Variants in AMOT observed in about 807,000 individuals in gnomAD.
The protein encoded by AMOT is angiomotin.
AMOT carries 11 observed loss-of-function variants against 67.0 expected under a neutral mutation model. The observed-to-expected ratio is 0.16, with a 90% CI of 0.10 to 0.27. AMOT has a LOEUF of 0.27. Among genes scored for constraint, AMOT ranks in the 10% least tolerant of loss-of-function variants. AMOT has a pLI of 1.00. For synonymous variants in AMOT, 326 were observed against 321.4 expected (o/e 1.01, Z -0.15); for missense variants, 753 against 852.0 (o/e 0.88, Z 1.45).
chrX:112,839,504 AT>A (rs1935232534), intron 1 of AMOT, among the ~76,000 whole-genome samples: 1 of 111,812 alleles, frequency 8.9e-6, no homozygotes, highest in Non-Finnish European at 1.9e-5. Context: ...TCCACTCTTC[AT>A]GGCGGGGAGG....
At chrX:112,830,540 T>C (rs1314734289) in intron 2 of AMOT, among the ~76,000 whole-genome samples, 2 of 112,347 alleles carry the variant, frequency 1.8e-5, no homozygotes, top group Admixed American at 1.9e-4. Flanking sequence ...CACTAAAAAA[T>C]AAAATTAGCA....
Position 112,822,376 on chromosome X carries a change from A to G in AMOT, c.751T>C (p.Ser251Pro). The G allele has an allele frequency of 8.6e-7, 1 of 1,165,721 alleles. No individual in the cohort carries two copies. Among genetic ancestry groups the G allele is most frequent in the Non-Finnish European group, 1.1e-6 (1 of 872,164 alleles). Residue 251 changes from serine to proline, a missense_variant, in exon 4 of 14, where the codon TCT (serine) becomes CCT (proline). Ser to Pro is a moderately conservative substitution (Grantham distance 74). Transcript: ENST00000371959. Reference sequence around the variant, plus strand: ...GGCTCTTGGGGCTTGCACACTACAGATTGGGGTGGCATGCCCTTGAAGGGA... The same window carrying G: ...GGCTCTTGGGGCTTGCACACTACAGGTTGGGGTGGCATGCCCTTGAAGGGA... ...EYPFKGMPPQSVVCKPQEPGH... is the reference protein window; with the variant it reads ...EYPFKGMPPQPVVCKPQEPGH...
At chrX:112,819,680 T>C (rs1934664362) in intron 4 of AMOT, among the ~76,000 whole-genome samples, 1 of 112,605 alleles carries the variant, frequency 8.9e-6, no homozygotes, top group African/African-American at 3.2e-5. Context: ...TCTGGGGTTC[T>C]GGGCATTCAA....
intron 7 of AMOT, among the ~76,000 whole-genome samples, chrX:112,809,247 A>C (rs1239398992): frequency 8.9e-6 from 1 of 112,106 alleles, no homozygotes; most frequent in Non-Finnish European, 1.9e-5. Flanking sequence ...AATTGGAAAT[A>C]ATTAGACATT....
rs535933654 is a variant in AMOT at position 112,785,662 on chromosome X, T to C, written c.2118-3000A>G. The stretch of plus-strand genomic sequence containing the variant: ...CTTAGGAAGACGGCCTTATCTCTCG[T>C]AGAAATGTGACAGAAAGATAAGAGA... On this transcript the variant is annotated intron_variant, in intron 10 of 13. Transcript: ENST00000371959. Among the ~76,000 whole-genome samples the C allele has an allele frequency of 1.6e-4, 18 of 111,952 alleles. No individual in the cohort carries two copies. In the South Asian group the frequency reaches 6.7e-3, roughly 42 times the overall value.
In AMOT at chrX:112,824,671, G is replaced by A. The variant is rs369334133; in HGVS notation, c.-63+401C>T. 2.0e-4 allele frequency among the ~76,000 whole-genome samples: 22 copies of A among 111,372 alleles called. No homozygotes were observed. The East Asian group carries it at 5.1e-3, about 26-fold the overall frequency. ...CTCTCATCATATTCTCTTGGGAAGT[G>A]CACACCAGTGGGTTAAGCAACCCAG... On this transcript the variant is annotated intron_variant, in intron 3 of 13. Transcript: ENST00000371959.
At position 112,811,999 on chromosome X, in the gene AMOT, A is replaced by G. The variant is rs151148497; in HGVS notation, c.1393-606T>C. On this transcript the variant is annotated intron_variant, in intron 5 of 13. Coordinates refer to ENST00000371959, the MANE Select transcript of AMOT (RefSeq NM_001113490.2). Reference sequence around the variant, plus strand: ...TTTAAAGTACTATTGGGGGTGTGTAAATATGAATGAGAACATTCTCACTGC... The same window carrying G: ...TTTAAAGTACTATTGGGGGTGTGTAGATATGAATGAGAACATTCTCACTGC... 2.8e-3 allele frequency among the ~76,000 whole-genome samples: 320 copies of G among 112,336 alleles called. 1 individual carries two copies. Among genetic ancestry groups the G allele is most frequent in the African/African-American group, 0.01 (310 of 30,898 alleles).
chrX:112,840,260 C>T (rs2041140761), intron 1 of AMOT, among the ~76,000 whole-genome samples, 192 bp downstream of exon 1: 1 of 111,458 alleles, frequency 9.0e-6, no homozygotes, highest in African/African-American at 3.3e-5. Context: ...GACGGGAAAG[C>T]AGCGCACACT....
chrX:112,796,222 CT>C (rs780721340), intron 8 of AMOT, among the ~76,000 whole-genome samples: 10 of 111,774 alleles, frequency 8.9e-5, no homozygotes, highest in African/African-American at 3.2e-4. Context: ...AAAAGTTTTG[CT>C]TTAGTTTGTG....
intron 10 of AMOT, among the ~76,000 whole-genome samples, chrX:112,787,965 T>G (rs1933425937): frequency 9.0e-6 from 1 of 111,636 alleles, no homozygotes; most frequent in Admixed American, 9.6e-5. Context: ...TTGAGCACTT[T>G]CCAATTGTAG....
chrX:112,790,816 G>C, intron 9 of AMOT, 34 bp from the exon 10 acceptor site: 1 of 1,119,417 alleles, frequency 8.9e-7, no homozygotes, highest in East Asian at 3.2e-5. Context: ...CCTCAAGTTA[G>C]TGAGAGAAGA....
intron 2 of AMOT, among the ~76,000 whole-genome samples, chrX:112,830,421 A>G (rs1934958781): frequency 8.9e-6 from 1 of 112,765 alleles, no homozygotes; most frequent in Non-Finnish European, 1.9e-5. Context: ...TAATGTTACA[A>G]AAACATCTTT....
intron 2 of AMOT, among the ~76,000 whole-genome samples, chrX:112,825,776 A>G (rs1385528856): frequency 9.1e-6 from 1 of 110,112 alleles, no homozygotes; most frequent in Non-Finnish European, 1.9e-5. Context: ...TTGTGTATCA[A>G]CTATTCCACA....
In AMOT at chrX:112,822,423, T is replaced by G. The variant is rs1198725014; in HGVS notation, c.704A>C (p.His235Pro). 9 of 1,166,126 alleles carry G rather than the reference T, an allele frequency of 7.7e-6. No individual in the cohort carries two copies. The highest frequency in any genetic ancestry group is 1.0e-5 in the Non-Finnish European group (9 of 872,805). Residue 235 changes from histidine (H) to proline (P), a missense_variant, in exon 4 of 14, where the codon CAC (histidine) becomes CCC (proline). His to Pro is a moderately conservative substitution (Grantham distance 77). Coordinates refer to ENST00000371959, the MANE Select transcript of AMOT (RefSeq NM_001113490.2). ...PNQHSLKGME[H>P]RGPPPEYPFK... ...GGGATATTCTGGTGGGGGGCCTCGGTGTTCCATGCCCTTCAGGCTATGCTG... is the reference window on the plus strand; with the variant it reads ...GGGATATTCTGGTGGGGGGCCTCGGGGTTCCATGCCCTTCAGGCTATGCTG...
intron 5 of AMOT, among the ~76,000 whole-genome samples, chrX:112,814,140 C>T (rs1934460366): frequency 1.8e-5 from 2 of 110,780 alleles, no homozygotes; most frequent in Non-Finnish European, 3.8e-5. Context: ...GGCGTGGTGA[C>T]ACATGCCTGT....
At chrX:112,792,238 A>G (rs757655255) in intron 8 of AMOT, among the ~76,000 whole-genome samples, 1 of 112,150 alleles carries the variant, frequency 8.9e-6, no homozygotes, top group Non-Finnish European at 1.9e-5. Context: ...ACCTTCCCAA[A>G]GTCTACTCTT....
chrX:112,817,817 C>T (rs1934609032), intron 4 of AMOT, among the ~76,000 whole-genome samples: 1 of 112,108 alleles, frequency 8.9e-6, no homozygotes, highest in African/African-American at 3.2e-5. Flanking sequence ...TATTTTTCCC[C>T]AGAGCTCAAA....
chrX:112,778,634 T>C lies in AMOT; in HGVS notation c.3188A>G (p.Glu1063Gly). Residue 1063 changes from glutamate to glycine, a missense_variant, in exon 14 of 14, where the codon GAA (glutamate) becomes GGA (glycine). Physicochemically the swap from Glu to Gly is moderately conservative, Grantham distance 98. This residue lies in a region of AMOT where 269 missense variants were observed against 300.9 expected (regional missense o/e 0.89). Coordinates refer to ENST00000371959, the MANE Select transcript of AMOT (RefSeq NM_001113490.2). ...DGPVFHSNTL[E>G]RKTPIQILGQ... ...CAGGATCTGAATGGGAGTTTTTCTT[T>C]CCAGAGTATTGGAGTGGAACACAGG... is the stretch of plus-strand genomic sequence containing the variant. 1 of 1,207,527 alleles carries C rather than the reference T, an allele frequency of 8.3e-7. No individual in the cohort carries two copies. The highest frequency in any genetic ancestry group is 1.1e-6 in the Non-Finnish European group (1 of 892,698).
intron 1 of AMOT, among the ~76,000 whole-genome samples, chrX:112,839,425 C>G (rs940592377): frequency 8.9e-6 from 1 of 112,007 alleles, no homozygotes; most frequent in African/African-American, 3.3e-5. Flanking sequence ...ATTATGGTGA[C>G]TAATTATCTT....
Sources: allele counts gnomAD v4.1 joint callset (sites outside exome capture counted in the v4.1 genomes callset), GRCh38; gene constraint gnomAD v4.1.1; regional missense constraint gnomAD v4.1.1; transcripts MANE v1.5; gene names NCBI Gene and HGNC (gene_info 2026-07-23, HGNC 2026-07-21).